DLG2: variants seen among roughly 807,000 people sequenced by gnomAD.
The protein encoded by DLG2 is discs large MAGUK scaffold protein 2, also known as disks large homolog 2.
A neutral mutation model predicts 132.5 loss-of-function variants in DLG2; 45 were observed. The ratio of observed to expected loss-of-function variants is 0.34; its 90% CI spans 0.27 to 0.44. The LOEUF is 0.44. DLG2 is among the 20% of genes least tolerant of loss of function. The pLI is 1.00. For synonymous variants in DLG2, 424 were observed against 419.6 expected, an observed-to-expected ratio of 1.01 and a Z score of -0.13; for missense variants, 1,045 against 1,196.9, an observed-to-expected ratio of 0.87 and a Z score of 1.87.
intron 15 of DLG2, among the ~76,000 whole-genome samples, chr11:83,905,803 T>C (rs547083923): frequency 7.2e-5 from 11 of 152,288 alleles, no homozygotes; most frequent in African/African-American, 2.4e-4. Context: ...AATTCACCTT[T>C]GACGTAAGCC....
intron 6 of DLG2, among the ~76,000 whole-genome samples, chr11:84,742,305 CA>C (rs886518418): frequency 1.1e-4 from 17 of 152,156 alleles, no homozygotes; most frequent in African/African-American, 3.6e-4. Context: ...CAAAAAATCC[CA>C]AATATATTAA....
At chr11:84,306,179 A>T (rs2098215985) in intron 7 of DLG2, among the ~76,000 whole-genome samples, 1 of 152,136 alleles carries the variant, frequency 6.6e-6, no homozygotes, top group South Asian at 2.1e-4. Context: ...GTTGGAGATG[A>T]CTGACATGTT....
chr11:85,011,505 A>G (rs2059144936), intron 6 of DLG2, among the ~76,000 whole-genome samples: 1 of 152,224 alleles, frequency 6.6e-6, no homozygotes, highest in African/African-American at 2.4e-5. Flanking sequence ...TCAAGAGTGC[A>G]TTGAAAAGAG....
intron 7 of DLG2, among the ~76,000 whole-genome samples, chr11:84,393,067 C>T (rs994233016): frequency 2.6e-5 from 4 of 152,076 alleles, no homozygotes; most frequent in South Asian, 2.1e-4. Context: ...AACTTAATAA[C>T]GTGTGAGCTA....
intron 9 of DLG2, among the ~76,000 whole-genome samples, chr11:84,122,275 G>A (rs531231413): frequency 2.6e-5 from 4 of 152,220 alleles, no homozygotes; most frequent in Admixed American, 1.3e-4. Context: ...AGCCAAGATC[G>A]CGTCACTGCA....
At chr11:83,462,225 A>C (rs556395681) in intron 26 of DLG2, 132 bp from the exon 27 acceptor site, 24 of 627,764 alleles carry the variant, frequency 3.8e-5, no homozygotes, top group Non-Finnish European at 6.8e-5. Flanking sequence ...GTCTTCATTC[A>C]GGACTCCTCT....
chr11:85,444,859 C>T (rs1276759588), intron 3 of DLG2, among the ~76,000 whole-genome samples: 2 of 152,224 alleles, frequency 1.3e-5, no homozygotes, highest in African/African-American at 4.8e-5. Flanking sequence ...TACTTTTGCA[C>T]CAACCTAATA....
At chr11:84,737,252 A>G (rs1021976744) in intron 6 of DLG2, among the ~76,000 whole-genome samples, 1 of 151,964 alleles carries the variant, frequency 6.6e-6, no homozygotes, top group Admixed American at 6.6e-5. Flanking sequence ...TCCATTTGCT[A>G]AAATTTATTT....
At chr11:84,627,827 C>A (rs143969248) in intron 6 of DLG2, among the ~76,000 whole-genome samples, 1 of 152,040 alleles carries the variant, frequency 6.6e-6, no homozygotes, top group Non-Finnish European at 1.5e-5. Context: ...CAAGAGAAAG[C>A]GGTGGGAGGA....
rs184287371 is a variant in DLG2, at chr11:84,957,415, G to C, written c.357+154246C>G. Among the ~76,000 whole-genome samples, 619 of 152,256 alleles carry C rather than the reference G, an allele frequency of 4.1e-3. 3 individuals are homozygous for C. Among genetic ancestry groups the C allele is most frequent in the Non-Finnish European group, 6.4e-3 (435 of 67,994 alleles). On this transcript the variant is annotated intron_variant, in intron 6 of 27. Coordinates refer to ENST00000376104, the MANE Select transcript of DLG2 (RefSeq NM_001142699.3). ...ATGTGATATTTAAAGATAAAGTAGG[G>C]TTTTAGAAAACAAAAGAACACTTTA...
chr11:85,087,730 C>T (rs2068135963), intron 6 of DLG2, among the ~76,000 whole-genome samples: 1 of 148,518 alleles, frequency 6.7e-6, no homozygotes, highest in South Asian at 2.2e-4. Context: ...CCCAGCTACT[C>T]GGGAGGCTGA....
intron 6 of DLG2, among the ~76,000 whole-genome samples, chr11:84,791,383 C>A (rs1197444797): frequency 6.6e-6 from 1 of 152,140 alleles, no homozygotes; most frequent in Non-Finnish European, 1.5e-5. Context: ...AATGTGATTC[C>A]TCCAGTTTTG....
chr11:85,249,184 T>A (rs1344712143), intron 4 of DLG2, among the ~76,000 whole-genome samples: 1 of 152,016 alleles, frequency 6.6e-6, no homozygotes, highest in Non-Finnish European at 1.5e-5. Context: ...TCATGCTCAT[T>A]TGGGATCATG....
chr11:83,831,121 T>C (rs2054373795), intron 17 of DLG2, among the ~76,000 whole-genome samples: 1 of 152,194 alleles, frequency 6.6e-6, no homozygotes, highest in African/African-American at 2.4e-5. Context: ...GTGCTAAATA[T>C]TGAGGATATA....
At chr11:83,734,372 CTT>C (rs2091549661) in intron 18 of DLG2, among the ~76,000 whole-genome samples, 2 of 144,362 alleles carry the variant, frequency 1.4e-5, no homozygotes, top group African/African-American at 5.2e-5. Flanking sequence ...TCCTTCCTTC[CTT>C]CCTTCCTTCC....
At chr11:84,305,057 G>A (rs1303214848) in intron 7 of DLG2, among the ~76,000 whole-genome samples, 1 of 152,106 alleles carries the variant, frequency 6.6e-6, no homozygotes, top group Non-Finnish European at 1.5e-5. Context: ...TAAAAAAAAA[G>A]TAGTTTATAT....
intron 7 of DLG2, among the ~76,000 whole-genome samples, chr11:84,303,413 G>T (rs983923143): frequency 6.6e-6 from 1 of 152,278 alleles, no homozygotes; most frequent in Non-Finnish European, 1.5e-5. Flanking sequence ...TGCAATGGTG[G>T]TAACTACTGT....
At chr11:85,098,325 C>T (rs764996055) in intron 6 of DLG2, among the ~76,000 whole-genome samples, 11 of 152,288 alleles carry the variant, frequency 7.2e-5, no homozygotes, top group Non-Finnish European at 1.3e-4. Flanking sequence ...CCTTCCACAG[C>T]CCAGTTTCTT....
At chr11:85,597,218 A>G (rs1292629762) in intron 3 of DLG2, among the ~76,000 whole-genome samples, 2 of 152,202 alleles carry the variant, frequency 1.3e-5, no homozygotes, top group African/African-American at 2.4e-5. Context: ...AGTTATCTAA[A>G]TTATCCAACA....
Sources: allele counts gnomAD v4.1 joint callset (sites outside exome capture counted in the v4.1 genomes callset), GRCh38; gene constraint gnomAD v4.1.1; transcripts MANE v1.5; gene names NCBI Gene and HGNC (gene_info 2026-07-23, HGNC 2026-07-21).